Variants in HERC1 observed in about 807,000 individuals in gnomAD.
HERC1 encodes the protein probable E3 ubiquitin-protein ligase HERC1.
In HERC1, 160 loss-of-function variants were observed where a neutral mutation model predicts 554.3. That is an observed-to-expected ratio of 0.29 (90% CI 0.25 to 0.33). The LOEUF is 0.33. Ranked by LOEUF, HERC1 falls within the 10% of genes least tolerant of loss-of-function variation. The pLI is 1.00. For missense variants in HERC1, 4,919 were observed against 5,918.5 expected, an observed-to-expected ratio of 0.83 and a Z score of 5.54; for synonymous variants, 2,175 against 2,131.7, an observed-to-expected ratio of 1.02 and a Z score of -0.56.
At chr15:63,702,628 T>G (rs2072781763) in intron 25 of HERC1, among the ~76,000 whole-genome samples, 1 of 152,210 alleles carries the variant, frequency 6.6e-6, no homozygotes, top group Non-Finnish European at 1.5e-5. Context: ...CTAACATATT[T>G]TTACAGGTTT....
chr15:63,747,954 G>A (rs1567083154), intron 10 of HERC1, 96 bp from the exon 11 acceptor site: 19 of 1,220,520 alleles, frequency 1.6e-5, no homozygotes, highest in East Asian at 5.1e-5. Context: ...GGCTGGGCAC[G>A]GTGGCTCATG....
intron 33 of HERC1, among the ~76,000 whole-genome samples, chr15:63,687,725 G>A (rs1391741199): frequency 4.6e-5 from 7 of 152,124 alleles, no homozygotes; most frequent in Non-Finnish European, 1.5e-5. Flanking sequence ...CAAGGATTAA[G>A]TGGTATGTTG....
At position 63,692,590 on chromosome 15, in the gene HERC1, G is replaced by C; in HGVS notation, c.5675-24C>G. 2 of 1,571,818 alleles carry C rather than the reference G, an allele frequency of 1.3e-6. No homozygotes were observed. Among genetic ancestry groups the C allele is most frequent in the Non-Finnish European group, 1.7e-6 (2 of 1,162,910 alleles). ...AGCTACAGTGAAGAGACAAGTTTACGTTACAACCAAGAGCCAACAAGAAAT... is the reference window on the plus strand; with the variant it reads ...AGCTACAGTGAAGAGACAAGTTTACCTTACAACCAAGAGCCAACAAGAAAT... On this transcript the variant is annotated intron_variant, in intron 30 of 77. Coordinates refer to ENST00000443617, the MANE Select transcript of HERC1 (RefSeq NM_003922.4). This position sits in a 1 kb window ranked among gnomAD's most constrained non-coding sequence, Gnocchi z 4.7.
At position 63,693,942 on chromosome 15, in the gene HERC1, CAGAG is replaced by C; in HGVS notation, c.5674+18_5674+21del. ...TTTAATAAATGCTTGTAAGTAAAGACAGAGAAAGAGGCTTACATTACCTCTGAAA... is the reference window on the plus strand; with the variant it reads ...TTTAATAAATGCTTGTAAGTAAAGACAAAGAGGCTTACATTACCTCTGAAA... On this transcript the variant is annotated intron_variant, in intron 30 of 77. Transcript: ENST00000443617. The C allele has an allele frequency of 6.5e-7, 1 of 1,543,562 alleles. No homozygotes were observed. Among genetic ancestry groups the C allele is most frequent in the South Asian group, 1.2e-5 (1 of 82,552 alleles).
At chr15:63,661,145 A>G in intron 45 of HERC1, 120 bp from the exon 46 acceptor site, 1 of 720,460 alleles carries the variant, frequency 1.4e-6, no homozygotes, top group South Asian at 1.7e-5. Context: ...ATAAAAAAGT[A>G]TGTTTCATGT....
In HERC1 at chr15:63,680,629, T is replaced by A. The variant is rs2071431646; in HGVS notation, c.6373A>T (p.Thr2125Ser). Residue 2125 changes from threonine (T) to serine (S), a missense_variant, in exon 35 of 78, where the codon ACT (threonine) becomes TCT (serine). By Grantham distance (58) the Thr-to-Ser change is moderately conservative (BLOSUM62 1). Around this residue, in one of 11 missense-constraint regions of HERC1, gnomAD observed 85 missense variants for 163.2 expected, o/e 0.52. Transcript: ENST00000443617. The surrounding 1 kb of genome is among the most constrained non-coding windows in gnomAD (Gnocchi z 5.8). ...SGNLYHNGEQ[T>S]LTLSSFTQGD... Reference sequence around the variant, plus strand: ...TGAGTAAAGCTGGACAATGTGAGAGTCTGTTCTCCATTGTGATAGAGGTTA... The same window carrying A: ...TGAGTAAAGCTGGACAATGTGAGAGACTGTTCTCCATTGTGATAGAGGTTA... 1 of 1,613,084 alleles carries A rather than the reference T, an allele frequency of 6.2e-7. No individual in the cohort carries two copies. Among genetic ancestry groups the A allele is most frequent in the Admixed American group, 1.7e-5 (1 of 59,976 alleles).
In HERC1 at chr15:63,758,865, C is replaced by T. The variant is rs1297671041; in HGVS notation, c.1027-496G>A. On this transcript the variant is annotated intron_variant, in intron 3 of 77. Transcript: ENST00000443617. This position sits in a 1 kb window ranked among gnomAD's most constrained non-coding sequence, Gnocchi z 4.0. The stretch of plus-strand genomic sequence containing the variant: ...AGATAATATTCCATCTAGTAAAAAA[C>T]ATCACAATGTACTCAACCACTTCCC... Among the ~76,000 whole-genome samples the T allele has an allele frequency of 6.6e-6, 1 of 151,828 alleles. No homozygotes were observed. Among genetic ancestry groups the T allele is most frequent in the Non-Finnish European group, 1.5e-5 (1 of 67,978 alleles).
At chr15:63,675,271 A>G in intron 37 of HERC1, 154 bp from the exon 38 acceptor site, 1 of 570,534 alleles carries the variant, frequency 1.8e-6, no homozygotes. Context: ...ACACAGAGAA[A>G]AACGAGTCTA....
rs948412349 is a variant in HERC1 at position 63,680,485 on chromosome 15, G to A, written c.6465+52C>T. On this transcript the variant is annotated intron_variant, in intron 35 of 77. Transcript: ENST00000443617. The surrounding 1 kb of genome is among the most constrained non-coding windows in gnomAD (Gnocchi z 5.8). ...TACGTGGCACTTGAATAACCGAGTT[G>A]ACTATAAATAGAAACAAGAAAAATG... 1.9e-6 allele frequency: 3 copies of A among 1,586,372 alleles called. No individual in the cohort carries two copies. The highest frequency in any genetic ancestry group is 2.6e-6 in the Non-Finnish European group (3 of 1,165,330).
chr15:63,794,804 A>C (rs2076761072), intron 1 of HERC1, among the ~76,000 whole-genome samples: 1 of 152,000 alleles, frequency 6.6e-6, no homozygotes, highest in South Asian at 2.1e-4. Context: ...AGTGGCTCAC[A>C]CCTAAAATCC....
Position 63,749,483 on chromosome 15 carries a change from A to T in HERC1, c.2103T>A (p.Asn701Lys). 6.2e-7 allele frequency: 1 copy of T among 1,613,816 alleles called. No individual in the cohort carries two copies. The highest frequency in any genetic ancestry group is 8.5e-7 in the Non-Finnish European group (1 of 1,179,764). The change falls in exon 10 of 78, where the codon AAT becomes AAA. Residue 701 changes from asparagine to lysine, a missense_variant. Asn to Lys is a moderately conservative substitution (Grantham distance 94). Coordinates refer to ENST00000443617, the MANE Select transcript of HERC1 (RefSeq NM_003922.4). This position sits in a 1 kb window ranked among gnomAD's most constrained non-coding sequence, Gnocchi z 4.1. ...TTGGTTTAGTAATAGGACCTGTGGA[A>T]TTTCCCTGACCACATTGCCCCATTG... ...NNSMGQCGQG[N>K]STGPITKPKK...
chr15:63,661,985 C>T lies in HERC1; in HGVS notation c.8938G>A (p.Val2980Met), dbSNP rs2070380857. Reference protein sequence around the residue: ...CESEDREEVVVCELCECSVVS... With the variant: ...CESEDREEVVMCELCECSVVS... ...ACGCTGCATTCACACAGTTCACACA[C>T]CACCACTTCTTCCCTGTCTTCAGAC... Residue 2980 changes from valine to methionine, a missense_variant, in exon 45 of 78, where the codon GTG (valine) becomes ATG (methionine). By Grantham distance (21) the Val-to-Met change is conservative (BLOSUM62 1). This residue lies in a region of HERC1 where 1,963 missense variants were observed against 2,228.6 expected (regional missense o/e 0.88). Coordinates refer to ENST00000443617, the MANE Select transcript of HERC1 (RefSeq NM_003922.4). 6.2e-7 allele frequency: 1 copy of T among 1,613,854 alleles called. No homozygotes were observed. The highest frequency in any genetic ancestry group is 8.5e-7 in the Non-Finnish European group (1 of 1,179,782).
In HERC1 at chr15:63,631,731, G is replaced by A. The variant is rs550701130; in HGVS notation, c.12796+978C>T. On this transcript the variant is annotated intron_variant, in intron 68 of 77. Coordinates refer to ENST00000443617, the MANE Select transcript of HERC1 (RefSeq NM_003922.4). Reference sequence around the variant, plus strand: ...AATTTTTGTCTGTTTAGTAGAGACGGCGTTTCGCCATGTTGGCCAGGCTGG... The same window carrying A: ...AATTTTTGTCTGTTTAGTAGAGACGACGTTTCGCCATGTTGGCCAGGCTGG... Among the ~76,000 whole-genome samples, 10 of 152,228 alleles carry A rather than the reference G, an allele frequency of 6.6e-5. No homozygotes were observed. In the South Asian group the frequency reaches 1.9e-3, roughly 28 times the overall value.
intron 70 of HERC1, 28 bp from the exon 71 acceptor site, chr15:63,626,182 G>A (rs1414496198): frequency 6.2e-7 from 1 of 1,605,018 alleles, no homozygotes; most frequent in Non-Finnish European, 8.5e-7. Flanking sequence ...GGGCACTTAT[G>A]AAGGAAACAG....
At position 63,733,089 on chromosome 15, in the gene HERC1, G is replaced by T; in HGVS notation, c.2703C>A (p.Ser901=). The T allele has an allele frequency of 1.2e-6, 2 of 1,613,878 alleles. No homozygotes were observed. Among genetic ancestry groups the T allele is most frequent in the Non-Finnish European group, 8.5e-7 (1 of 1,179,810 alleles). Residue 901 remains serine, a synonymous_variant, in exon 14 of 78, where the codon TCC becomes TCA. Coordinates refer to ENST00000443617, the MANE Select transcript of HERC1 (RefSeq NM_003922.4). ...TSLQDHTHVA[S]LLGYSSPSDA... is the part of the protein sequence containing the mutation. ...CAGAGGGTGAACTATAGCCAAGTAG[G>T]GAGGCTACGTGGGTATGATCTTGCA...
chr15:63,757,668 A>T (rs1333712848), intron 4 of HERC1, among the ~76,000 whole-genome samples: 1 of 152,138 alleles, frequency 6.6e-6, no homozygotes, highest in East Asian at 1.9e-4. Context: ...GTTATTTGAA[A>T]GTTGGAAATG....
At chr15:63,831,046 C>T (rs7170689) in intron 1 of HERC1, among the ~76,000 whole-genome samples, 122,681 of 152,188 alleles carry the variant, frequency 0.81, 51,269 homozygotes, top group Non-Finnish European at 0.87. Flanking sequence ...TACATGCTCA[C>T]AACAATGTAT....
chr15:63,812,226 C>T (rs1028941981), intron 1 of HERC1, among the ~76,000 whole-genome samples: 12 of 152,326 alleles, frequency 7.9e-5, no homozygotes, highest in African/African-American at 2.9e-4. Flanking sequence ...TAAAGGGCAG[C>T]GAATAGCCTG....
chr15:63,766,250 TTA>T (rs201336383), intron 2 of HERC1, among the ~76,000 whole-genome samples: 19,867 of 150,786 alleles, frequency 0.13, 1,758 homozygotes, highest in Middle Eastern at 0.2. Flanking sequence ...ACTAATTTAT[TTA>T]TGTTATATTA....
Sources: allele counts gnomAD v4.1 joint callset (sites outside exome capture counted in the v4.1 genomes callset), GRCh38; gene constraint gnomAD v4.1.1; regional missense constraint gnomAD v4.1.1; non-coding constraint Gnocchi (gnomAD v3.1); transcripts MANE v1.5; gene names NCBI Gene and HGNC (gene_info 2026-07-23, HGNC 2026-07-21).